KCNJ6: variants seen among roughly 807,000 people sequenced by gnomAD.
The protein encoded by KCNJ6 is G protein-activated inward rectifier potassium channel 2.
In KCNJ6, 9 loss-of-function variants were observed where a neutral mutation model predicts 34.2. That is an observed-to-expected ratio of 0.26 (90% confidence interval 0.16 to 0.46). The LOEUF (loss-of-function observed/expected upper bound fraction) is 0.46. Among genes scored for constraint, KCNJ6 ranks in the 20% least tolerant of loss-of-function variants. The probability of loss-of-function intolerance (pLI) is 1.00; values close to 1 mark genes in which losing one functional copy is unlikely to be tolerated. For synonymous variants in KCNJ6, 196 were observed against 207.1 expected (o/e 0.95, Z 0.46); for missense variants, 236 against 531.3 (o/e 0.44, Z 5.46).
chr21:37,900,267 C>T (rs1364205126), intron 1 of KCNJ6, among the ~76,000 whole-genome samples: 1 of 151,836 alleles, frequency 6.6e-6, no homozygotes, highest in African/African-American at 2.4e-5. Context: ...TTTACAACAA[C>T]AAAAAAAGGG....
At chr21:37,735,845 AG>A (rs543648111) in intron 2 of KCNJ6, among the ~76,000 whole-genome samples, 2 of 152,198 alleles carry the variant, frequency 1.3e-5, no homozygotes, top group African/African-American at 4.8e-5. Flanking sequence ...GAGAATTATT[AG>A]GGGAGAAAGA....
At chr21:37,702,446 T>G (rs552954859) in intron 3 of KCNJ6, among the ~76,000 whole-genome samples, 1 of 152,144 alleles carries the variant, frequency 6.6e-6, no homozygotes, top group Admixed American at 6.5e-5. Flanking sequence ...GACGCTGTAG[T>G]TTTTGACTTG....
intron 1 of KCNJ6, among the ~76,000 whole-genome samples, chr21:37,896,260 C>A (rs2055787693): frequency 6.6e-6 from 1 of 152,194 alleles, no homozygotes; most frequent in Admixed American, 6.5e-5. Flanking sequence ...CTCCATAATC[C>A]TATCACCTCC....
intron 2 of KCNJ6, among the ~76,000 whole-genome samples, chr21:37,827,193 CT>C (rs1456120954): frequency 2.0e-5 from 3 of 152,166 alleles, no homozygotes; most frequent in Admixed American, 1.3e-4. Context: ...TGTGCTTTAT[CT>C]CCCTGAATTC....
At chr21:37,693,676 A>C (rs1375428300) in intron 3 of KCNJ6, among the ~76,000 whole-genome samples, 1 of 152,216 alleles carries the variant, frequency 6.6e-6, no homozygotes, top group African/African-American at 2.4e-5. Flanking sequence ...CAGAAACACT[A>C]TTGGATGAGC....
intron 2 of KCNJ6, among the ~76,000 whole-genome samples, chr21:37,738,760 T>C (rs927085317): frequency 1.3e-5 from 2 of 152,238 alleles, no homozygotes; most frequent in Non-Finnish European, 2.9e-5. Context: ...TGTGTTTGTT[T>C]TTAATGGGCC....
chr21:37,763,094 A>G (rs1326364162), intron 2 of KCNJ6, among the ~76,000 whole-genome samples: 2 of 152,112 alleles, frequency 1.3e-5, no homozygotes, highest in African/African-American at 2.4e-5. Context: ...TGATTTGGGC[A>G]TCTGATGATG....
chr21:37,655,215 GTGTGTGTGTGAGAGAGAGAGAGAGAGAGA>G (rs2054454549), intron 3 of KCNJ6, among the ~76,000 whole-genome samples: 2 of 35,562 alleles, frequency 5.6e-5, no homozygotes, highest in African/African-American at 1.1e-4. Context: ...GTGTGTGTGT[GTGTGTGTGTGAGAGAGAGAGAGAGAGAGA>G]GAGAGAGAGA....
chr21:37,758,063 G>A (rs556706920), intron 2 of KCNJ6, among the ~76,000 whole-genome samples: 1 of 151,928 alleles, frequency 6.6e-6, no homozygotes, highest in Non-Finnish European at 1.5e-5. Flanking sequence ...AGGAGACCCT[G>A]GGCCTGGTTT....
chr21:37,820,054 C>T (rs2055366670), intron 2 of KCNJ6, among the ~76,000 whole-genome samples: 1 of 152,072 alleles, frequency 6.6e-6, no homozygotes, highest in Non-Finnish European at 1.5e-5. Flanking sequence ...TCCCAAAGTG[C>T]TGGGATTACA....
At chr21:37,642,495 G>A (rs1275424476) in intron 3 of KCNJ6, among the ~76,000 whole-genome samples, 2 of 152,176 alleles carry the variant, frequency 1.3e-5, no homozygotes, top group Non-Finnish European at 2.9e-5. Flanking sequence ...CAAACATGGT[G>A]GTCAAAGCTG....
intron 3 of KCNJ6, among the ~76,000 whole-genome samples, chr21:37,640,422 T>C (rs2054375892): frequency 6.6e-6 from 1 of 152,252 alleles, no homozygotes; most frequent in Non-Finnish European, 1.5e-5. Context: ...AAGCATCACA[T>C]GTGAAAGTAC....
chr21:37,667,567 C>G (rs1416248250), intron 3 of KCNJ6, among the ~76,000 whole-genome samples: 3 of 150,600 alleles, frequency 2.0e-5, no homozygotes, highest in Non-Finnish European at 4.4e-5. Flanking sequence ...GTAGCAGGCT[C>G]CAGGGTAGTG....
chr21:37,765,195 G>A (rs1381289404), intron 2 of KCNJ6, among the ~76,000 whole-genome samples: 1 of 152,140 alleles, frequency 6.6e-6, no homozygotes, highest in African/African-American at 2.4e-5. Flanking sequence ...TGTCTGCATG[G>A]TGGAAACACT....
Position 37,685,706 on chromosome 21 carries a change from A to AAAAAAAAAG in KCNJ6, c.946+28504_946+28505insCTTTTTTTT, listed in dbSNP as rs78443969. 3.3e-3 allele frequency among the ~76,000 whole-genome samples: 169 copies of AAAAAAAAAG among 51,036 alleles called. 56 individuals are homozygous for AAAAAAAAAG. Among genetic ancestry groups the AAAAAAAAAG allele is most frequent in the African/African-American group, 7.8e-3 (140 of 18,056 alleles). 33.5% of individuals were successfully genotyped at this position (51,036 alleles called of 152,430 possible). On this transcript the variant is annotated intron_variant, in intron 3 of 3. Transcript: ENST00000609713. The stretch of plus-strand genomic sequence containing the variant: ...CAAAAAAAAAAAAAAAAAAAAAAAA[A>AAAAAAAAAG]AATCTATCCTATGGATATCAGAGGT...
intron 3 of KCNJ6, among the ~76,000 whole-genome samples, chr21:37,680,287 G>A (rs1204391931): frequency 6.6e-6 from 1 of 152,194 alleles, no homozygotes; most frequent in Admixed American, 6.5e-5. Flanking sequence ...AGAGTGAAAT[G>A]TTGGGCAAGA....
At chr21:37,669,521 C>A (rs2054532210) in intron 3 of KCNJ6, among the ~76,000 whole-genome samples, 1 of 151,804 alleles carries the variant, frequency 6.6e-6, no homozygotes, top group Non-Finnish European at 1.5e-5. Context: ...CCAATCAGTT[C>A]TTTGTATCTT....
At chr21:37,906,615 T>A (rs1447064581) in intron 1 of KCNJ6, among the ~76,000 whole-genome samples, 2 of 152,140 alleles carry the variant, frequency 1.3e-5, no homozygotes, top group African/African-American at 2.4e-5. Flanking sequence ...AGGGACACAC[T>A]ATGGGAACCA....
chr21:37,902,853 T>C (rs891179390), intron 1 of KCNJ6, among the ~76,000 whole-genome samples: 3 of 152,186 alleles, frequency 2.0e-5, no homozygotes, highest in Non-Finnish European at 4.4e-5. Flanking sequence ...GACATCTAAC[T>C]CAAGAAGCCA....
Sources: gnomAD v4.1 joint callset for allele counts (sites outside exome capture counted in the v4.1 genomes callset) on GRCh38, gnomAD v4.1.1 for gene constraint, MANE v1.5 for transcripts, NCBI Gene and HGNC (gene_info 2026-07-23, HGNC 2026-07-21) for gene names.